The following PCDHA10 variants were observed in gnomAD, a reference collection of about 807,000 sequenced individuals.
PCDHA10 encodes protocadherin alpha-10.
Under a neutral mutation model 61.2 loss-of-function variants are expected in PCDHA10, and 45 were observed. The ratio of observed to expected loss-of-function variants is 0.74; its 90% confidence interval spans 0.58 to 0.94. The LOEUF (loss-of-function observed/expected upper bound fraction) is 0.94, where lower values mean the gene tolerates loss of function less well. Among genes scored for constraint, PCDHA10 ranks in the 40% least tolerant of loss-of-function variants. PCDHA10 has a pLI of 0.00. For missense variants in PCDHA10, 1,278 were observed against 1,236.2 expected (o/e 1.03, Z -0.51); for synonymous variants, 602 against 548.8 (o/e 1.10, Z -1.35).
chr5:140,942,669 A>G (rs2093352340), intron 1 of PCDHA10, among the ~76,000 whole-genome samples: 1 of 152,212 alleles, frequency 6.6e-6, no homozygotes, highest in South Asian at 2.1e-4. Flanking sequence ...AATAAGCACA[A>G]AAGTTTTAGG....
At chr5:140,877,311 G>A (rs200978234) in intron 1 of PCDHA10, 2 of 1,613,852 alleles carry the variant, frequency 1.2e-6, no homozygotes, top group Admixed American at 3.3e-5. Flanking sequence ...AGTTGCAACC[G>A]GCGGCGGTCG....
rs57893927 is a variant in PCDHA10 at position 140,946,631 on chromosome 5, T to TATATATATATATATATATATATATATAC, written c.2389-32317_2389-32316insTATATATATATATATATATATATATACA. On this transcript the variant is annotated intron_variant, in intron 1 of 3. Transcript: ENST00000307360. ...TGTGAAATATATATATATATATATA[T>TATATATATATATATATATATATATATAC]ACAATGGAATACTCATCAGCCATTA... Among the ~76,000 whole-genome samples the TATATATATATATATATATATATATATAC allele has an allele frequency of 2.1e-3, 277 of 131,730 alleles. 14 individuals carry two copies. Among genetic ancestry groups the TATATATATATATATATATATATATATAC allele is most frequent in the African/African-American group, 7.7e-3 (221 of 28,616 alleles). The allele number at this position is 131,730 out of a possible 152,430, so 86.4% of individuals were successfully genotyped here.
intron 1 of PCDHA10, chr5:140,877,968 C>A: frequency 7.9e-7 from 1 of 1,272,970 alleles, no homozygotes; most frequent in Non-Finnish European, 1.0e-6. Context: ...CTTTCTTGGT[C>A]ATTCTTACTC....
intron 3 of PCDHA10, among the ~76,000 whole-genome samples, chr5:140,989,660 G>T (rs1369597923): frequency 6.6e-6 from 1 of 152,180 alleles, no homozygotes; most frequent in Non-Finnish European, 1.5e-5. Context: ...TATTTTAAAA[G>T]AAACTCTGCC....
intron 1 of PCDHA10, chr5:140,929,206 C>T (rs1554206828): frequency 2.5e-6 from 4 of 1,614,018 alleles, no homozygotes; most frequent in Non-Finnish European, 1.7e-6. Flanking sequence ...TTTGCTGTTG[C>T]GTGGGGAGTA....
intron 3 of PCDHA10, among the ~76,000 whole-genome samples, chr5:141,004,523 A>G (rs934216851): frequency 3.3e-5 from 5 of 152,232 alleles, no homozygotes; most frequent in Admixed American, 2.0e-4. Flanking sequence ...CTCTGCCAAT[A>G]CACACAGCCA....
intron 1 of PCDHA10, among the ~76,000 whole-genome samples, chr5:140,907,086 A>T (rs1042352534): frequency 6.6e-6 from 1 of 152,136 alleles, no homozygotes; most frequent in East Asian, 1.9e-4. Context: ...GGTGATGGTA[A>T]GTGGTGCCAC....
At chr5:140,903,386 T>C (rs1053060392) in intron 1 of PCDHA10, among the ~76,000 whole-genome samples, 3 of 152,222 alleles carry the variant, frequency 2.0e-5, no homozygotes, top group Non-Finnish European at 4.4e-5. Context: ...TTGTGGTTAC[T>C]TCTAGAAACA....
At chr5:140,944,655 C>A (rs1045047658) in intron 1 of PCDHA10, among the ~76,000 whole-genome samples, 3 of 152,128 alleles carry the variant, frequency 2.0e-5, no homozygotes, top group Admixed American at 2.0e-4. Flanking sequence ...GGAGTCCATA[C>A]CCCTTATTTA....
chr5:140,937,805 G>T (rs1192616946), intron 1 of PCDHA10, among the ~76,000 whole-genome samples: 1 of 149,924 alleles, frequency 6.7e-6, no homozygotes, highest in Admixed American at 6.6e-5. Flanking sequence ...CCAGCTACTC[G>T]GGAAGCTGAG....
chr5:140,928,719 T>C (rs1554206226), intron 1 of PCDHA10: 31 of 1,614,044 alleles, frequency 1.9e-5, no homozygotes, highest in Non-Finnish European at 2.5e-5. Flanking sequence ...CTAGTCTCTT[T>C]AGAATTTCAG....
intron 3 of PCDHA10, among the ~76,000 whole-genome samples, chr5:141,005,634 G>A (rs782404455): frequency 4.8e-5 from 7 of 146,670 alleles, no homozygotes; most frequent in Middle Eastern, 3.6e-3. Flanking sequence ...CCCGGGAGGC[G>A]GAGCTTGCAG....
intron 1 of PCDHA10, among the ~76,000 whole-genome samples, chr5:140,923,134 G>A (rs962370475): frequency 3.9e-5 from 6 of 152,106 alleles, no homozygotes; most frequent in African/African-American, 1.2e-4. Flanking sequence ...CACTTTGAAG[G>A]TGGAATATAA....
chr5:140,883,508 G>A (rs939760233), intron 1 of PCDHA10: 1 of 1,614,202 alleles, frequency 6.2e-7, no homozygotes, highest in East Asian at 2.2e-5. Flanking sequence ...CAGCGCCCTG[G>A]ACCGCGAGAG....
At chr5:140,915,083 C>G (rs2076973100) in intron 1 of PCDHA10, among the ~76,000 whole-genome samples, 1 of 151,628 alleles carries the variant, frequency 6.6e-6, no homozygotes, top group African/African-American at 2.4e-5. Flanking sequence ...GTAGCTGGGA[C>G]TATGGGCACG....
intron 1 of PCDHA10, chr5:140,870,212 T>C (rs2051764636): frequency 6.2e-7 from 1 of 1,614,076 alleles, no homozygotes; most frequent in Non-Finnish European, 8.5e-7. Context: ...GTCATTGCCC[T>C]GATCAGCGTG....
In PCDHA10 at chr5:140,903,479, T is replaced by C. The variant is rs73266018; in HGVS notation, c.2388+45043T>C. On this transcript the variant is annotated intron_variant, in intron 1 of 3. Transcript: ENST00000307360. The stretch of plus-strand genomic sequence containing the variant: ...ACTTAAAATATTATTCCTTGCATTA[T>C]AGTTCTGAGCAGGTACCATAGATAA... Among the ~76,000 whole-genome samples, 476 of 152,354 alleles carry C rather than the reference T, an allele frequency of 3.1e-3. 2 individuals are homozygous for C. The highest frequency in any genetic ancestry group is 0.011 in the African/African-American group (456 of 41,586).
chr5:140,887,643 T>C (rs1392264032), intron 1 of PCDHA10, among the ~76,000 whole-genome samples: 2 of 152,148 alleles, frequency 1.3e-5, no homozygotes, highest in African/African-American at 4.8e-5. Flanking sequence ...TTGGGGTTTG[T>C]TGATATTCTT....
At chr5:140,879,805 A>T (rs992856039) in intron 1 of PCDHA10, among the ~76,000 whole-genome samples, 2 of 152,128 alleles carry the variant, frequency 1.3e-5, no homozygotes, top group Non-Finnish European at 1.5e-5. Context: ...TCCAGTTTCT[A>T]TTGGCTGTTG....
Sources: gnomAD v4.1 joint callset for allele counts (sites outside exome capture counted in the v4.1 genomes callset) on GRCh38, gnomAD v4.1.1 for gene constraint, MANE v1.5 for transcripts, NCBI Gene and HGNC (gene_info 2026-07-23, HGNC 2026-07-21) for gene names.